UGGT1: variants seen among roughly 807,000 people sequenced by gnomAD.
UGGT1 encodes UDP-glucose:glycoprotein glucosyltransferase 1.
In UGGT1, 107 loss-of-function variants were observed where a neutral mutation model predicts 203.9. That is an observed-to-expected ratio of 0.52 (90% CI 0.45 to 0.62). UGGT1 has a LOEUF of 0.62. Ranked by LOEUF, UGGT1 falls within the 20% of genes least tolerant of loss-of-function variation. UGGT1 has a pLI of 0.00. For missense variants in UGGT1, 1,673 were observed against 1,867.2 expected, an observed-to-expected ratio of 0.90 and a Z score of 1.92; for synonymous variants, 628 against 653.5, an observed-to-expected ratio of 0.96 and a Z score of 0.59.
rs1439576234 is a variant in UGGT1, at chr2:128,178,556, G to A, written c.3802G>A (p.Glu1268Lys). Residue 1268 changes from glutamate (E) to lysine (K), a missense_variant, in exon 34 of 41, where the codon GAA (glutamate) becomes AAA (lysine). Transcript: ENST00000259253. ...IFSVASGHLY[E>K]RFLRIMMLSV... Reference sequence around the variant, plus strand: ...CTCCGTTGCATCTGGTCATCTCTACGAAAGATTTCTTCGGTCAGTCTTGTT... The same window carrying A: ...CTCCGTTGCATCTGGTCATCTCTACAAAAGATTTCTTCGGTCAGTCTTGTT... 5 of 1,612,040 alleles carry A rather than the reference G, an allele frequency of 3.1e-6. No individual in the cohort carries two copies. In the African/African-American group the frequency reaches 5.4e-5, roughly 17 times the overall value.
At position 128,145,869 on chromosome 2, in the gene UGGT1, C is replaced by G. The variant is rs1378609200; in HGVS notation, c.1918C>G (p.Pro640Ala). The change falls in exon 18 of 41, where the codon CCC becomes GCC. Residue 640 changes from proline (P) to alanine (A), a missense_variant. This residue lies in a region of UGGT1 where 1,073 missense variants were observed against 1,078.7 expected (regional missense o/e 0.99). Coordinates refer to ENST00000259253, the MANE Select transcript of UGGT1 (RefSeq NM_020120.4). ...GCCCGTTGTGCTGTTCAATGGAATG[C>G]CCTTTGAAAGGGAACAGCTAGACCC... ...PLPVVLFNGM[P>A]FEREQLDPDE... 3 of 1,613,850 alleles carry G rather than the reference C, an allele frequency of 1.9e-6. No homozygotes were observed. The highest frequency in any genetic ancestry group is 2.5e-6 in the Non-Finnish European group (3 of 1,179,964).
chr2:128,103,279 G>T, intron 2 of UGGT1: 1 of 259,912 alleles, frequency 3.8e-6, no homozygotes. Context: ...CCTCGTAGGG[G>T]TTTTAGACTC....
intron 5 of UGGT1, among the ~76,000 whole-genome samples, chr2:128,110,523 G>T (rs1411542391): frequency 6.6e-6 from 1 of 152,150 alleles, no homozygotes; most frequent in Admixed American, 6.5e-5. Flanking sequence ...TTCAGAAATG[G>T]CTGCATGGTG....
At chr2:128,124,917 T>G (rs1454282915) in intron 11 of UGGT1, among the ~76,000 whole-genome samples, 1 of 152,192 alleles carries the variant, frequency 6.6e-6, no homozygotes. Flanking sequence ...AGGTGTCTGG[T>G]GATCACACTC....
chr2:128,166,023 A>G (rs1036899435), intron 26 of UGGT1, among the ~76,000 whole-genome samples: 5 of 152,202 alleles, frequency 3.3e-5, no homozygotes, highest in Admixed American at 2.0e-4. Context: ...CAGCCTCCCA[A>G]GGTGCTTGGC....
intron 8 of UGGT1, 48 bp downstream of exon 8, chr2:128,116,391 C>A: frequency 8.2e-7 from 1 of 1,218,398 alleles, no homozygotes; most frequent in Non-Finnish European, 1.2e-6. Flanking sequence ...TTTCTTTAAG[C>A]CTCCAGGCTT....
Position 128,120,390 on chromosome 2 carries a change from G to T in UGGT1, c.907G>T (p.Glu303Ter), listed in dbSNP as rs1688320375. Reference protein sequence around the residue: ...LHPDLEGQLKELRKHLVESTN... With the variant: ...LHPDLEGQLK ...CCCCGACCTGGAGGGACAGTTGAAA[G>T]AACTCAGAAAGCATCTTGTAGAGAG... Residue 303 changes from glutamate to a stop codon, truncating the protein, a stop_gained, in exon 9 of 41, where the codon GAA (glutamate) becomes TAA (stop). Coordinates refer to ENST00000259253, the MANE Select transcript of UGGT1 (RefSeq NM_020120.4). LOFTEE classifies it high-confidence loss of function. The T allele has an allele frequency of 6.2e-7, 1 of 1,613,982 alleles. No homozygotes were observed. The highest frequency in any genetic ancestry group is 8.5e-7 in the Non-Finnish European group (1 of 1,179,952).
intron 25 of UGGT1, among the ~76,000 whole-genome samples, chr2:128,161,760 GTTA>G (rs753886255): frequency 6.6e-6 from 1 of 152,072 alleles, no homozygotes; most frequent in Admixed American, 6.6e-5. Context: ...AATTTTCAGT[GTTA>G]TTATAAGCTG....
chr2:128,117,972 GTGTGTC>G (rs10539625), intron 8 of UGGT1, among the ~76,000 whole-genome samples: 2,486 of 99,560 alleles, frequency 0.025, 37 homozygotes, highest in African/African-American at 0.12. Flanking sequence ...GTGTGTGTGT[GTGTGTC>G]TGTGTGTGTG....
chr2:128,183,728 G>A lies in UGGT1; in HGVS notation c.4298G>A (p.Arg1433Lys). ...KKFRKIAAGD[R>K]LRGQYQGLSQ... ...TTTAGGAAAATAGCTGCTGGTGACA[G>A]ACTCAGGGGACAGTACCAAGGTCTG... Residue 1433 changes from arginine (R) to lysine (K), a missense_variant, in exon 38 of 41, where the codon AGA becomes AAA. This residue lies in a region of UGGT1 where 513 missense variants were observed against 684.1 expected (regional missense o/e 0.75). Transcript: ENST00000259253. 1 of 1,614,110 alleles carries A rather than the reference G, an allele frequency of 6.2e-7. No homozygotes were observed. The highest frequency in any genetic ancestry group is 8.5e-7 in the Non-Finnish European group (1 of 1,179,988).
intron 2 of UGGT1, among the ~76,000 whole-genome samples, chr2:128,100,997 A>G (rs959705951): frequency 1.1e-4 from 16 of 152,024 alleles, no homozygotes; most frequent in Non-Finnish European, 1.6e-4. Flanking sequence ...GTCATTTGCC[A>G]TTTTGTTTTA....
intron 18 of UGGT1, among the ~76,000 whole-genome samples, chr2:128,151,839 T>C (rs1270242031): frequency 6.6e-6 from 1 of 151,990 alleles, no homozygotes; most frequent in Non-Finnish European, 1.5e-5. Flanking sequence ...ATTATACTAC[T>C]ACACTCCAGC....
At chr2:128,113,027 A>AT in intron 5 of UGGT1, 57 bp from the exon 6 acceptor site, 1 of 1,399,970 alleles carries the variant, frequency 7.1e-7, no homozygotes. Context: ...ATTTTGTGAC[A>AT]TTTTTAGTGT....
At position 128,115,198 on chromosome 2, in the gene UGGT1, C is replaced by T; in HGVS notation, c.771C>T (p.Ala257=). 6.2e-7 allele frequency: 1 copy of T among 1,613,742 alleles called. No homozygotes were observed. The highest frequency in any genetic ancestry group is 1.7e-4 in the Middle Eastern group (1 of 6,060). ...ELAIKSTEYK[A]KDDTQVKGTE... is the part of the protein sequence containing the mutation. ...CCATTAAGAGCACTGAGTACAAGGCCAAGGATGATACTCAGGTGAAAGGTG... is the reference window on the plus strand; with the variant it reads ...CCATTAAGAGCACTGAGTACAAGGCTAAGGATGATACTCAGGTGAAAGGTG... Residue 257 remains alanine, a synonymous_variant, in exon 7 of 41, where the codon GCC becomes GCT. Coordinates refer to ENST00000259253, the MANE Select transcript of UGGT1 (RefSeq NM_020120.4).
chr2:128,187,427 G>T, intron 39 of UGGT1, 22 bp from the exon 40 acceptor site: 1 of 1,608,418 alleles, frequency 6.2e-7, no homozygotes, highest in Non-Finnish European at 8.5e-7. Flanking sequence ...CTCAGCTGAA[G>T]TGTGTTCTTT....
At chr2:128,130,785 TTTTC>T (rs1196996998) in intron 13 of UGGT1, among the ~76,000 whole-genome samples, 1 of 152,110 alleles carries the variant, frequency 6.6e-6, no homozygotes, top group Non-Finnish European at 1.5e-5. Context: ...TCAAATATAT[TTTTC>T]TTTCTTTCTT....
At chr2:128,185,830 C>T (rs772586353) in intron 38 of UGGT1, among the ~76,000 whole-genome samples, 14 of 152,128 alleles carry the variant, frequency 9.2e-5, no homozygotes, top group Non-Finnish European at 1.5e-4. Flanking sequence ...GTATCGCAGT[C>T]AATCATTTCT....
chr2:128,118,734 T>C (rs1266545311), intron 8 of UGGT1, among the ~76,000 whole-genome samples: 2 of 152,120 alleles, frequency 1.3e-5, no homozygotes, highest in African/African-American at 2.4e-5. Context: ...TTTTTTTTTG[T>C]TTGAGACAGG....
Position 128,155,558 on chromosome 2 carries a change from C to T in UGGT1, c.2207C>T (p.Ala736Val), listed in dbSNP as rs201860527. Residue 736 changes from alanine to valine, a missense_variant, in exon 20 of 41, where the codon GCC (alanine) becomes GTC (valine). Ala to Val is a moderately conservative substitution (Grantham distance 64). Transcript: ENST00000259253. Reference protein sequence around the residue: ...LDSQGKTAAVANSMNYLTKKG... With the variant: ...LDSQGKTAAVVNSMNYLTKKG... The stretch of plus-strand genomic sequence containing the variant: ...TCCCAAGGCAAGACTGCTGCTGTAG[C>T]CAATAGTATGAACTATCTGACAAAG... 109 of 1,612,940 alleles carry T rather than the reference C, an allele frequency of 6.8e-5. No homozygotes were observed. The highest frequency in any genetic ancestry group is 8.9e-5 in the Non-Finnish European group (105 of 1,179,604).
Sources: allele counts gnomAD v4.1 joint callset (sites outside exome capture counted in the v4.1 genomes callset), GRCh38; gene constraint gnomAD v4.1.1; regional missense constraint gnomAD v4.1.1; transcripts MANE v1.5; gene names NCBI Gene and HGNC (gene_info 2026-07-23, HGNC 2026-07-21).